TLL1: variants seen among roughly 807,000 people sequenced by gnomAD.
TLL1 encodes tolloid-like protein 1.
A neutral mutation model predicts 128.2 loss-of-function variants in TLL1; 49 were observed. The observed-to-expected ratio is 0.38, with a 90% confidence interval of 0.30 to 0.48. The LOEUF is 0.48. Among genes scored for constraint, TLL1 ranks in the 20% least tolerant of loss-of-function variants. The pLI, the probability that TLL1 is intolerant of heterozygous loss-of-function variation, is 0.96. For synonymous variants in TLL1, 454 were observed against 418.8 expected, an observed-to-expected ratio of 1.08 and a Z score of -1.03; for missense variants, 1,123 against 1,242.0, an observed-to-expected ratio of 0.90 and a Z score of 1.44.
intron 3 of TLL1, 144 bp from the exon 4 acceptor site, chr4:165,994,237 G>C: frequency 1.2e-6 from 1 of 831,836 alleles, no homozygotes; most frequent in Non-Finnish European, 1.9e-6. Flanking sequence ...TAATATAACT[G>C]AAGTTTTTCT....
chr4:165,878,211 A>G (rs548183037), intron 1 of TLL1, among the ~76,000 whole-genome samples: 1 of 152,170 alleles, frequency 6.6e-6, no homozygotes, highest in East Asian at 1.9e-4. Flanking sequence ...GTTCTTTTCC[A>G]TATCTTTATT....
chr4:166,000,276 A>G (rs77035059), intron 5 of TLL1, among the ~76,000 whole-genome samples: 2,225 of 152,314 alleles, frequency 0.015, 54 homozygotes, highest in African/African-American at 0.051. Context: ...TTGTCTTTCC[A>G]TGACTAATAT....
chr4:165,971,996 T>C (rs7665045), intron 1 of TLL1, among the ~76,000 whole-genome samples: 1 of 152,112 alleles, frequency 6.6e-6, no homozygotes, highest in East Asian at 1.9e-4. Context: ...TACGTATAAG[T>C]AGAACCATCA....
chr4:166,023,317 T>C (rs1284786844), intron 8 of TLL1, among the ~76,000 whole-genome samples: 2 of 152,120 alleles, frequency 1.3e-5, no homozygotes, highest in Non-Finnish European at 2.9e-5. Context: ...AGAGAATCAC[T>C]TGAACCTGGG....
At chr4:166,046,573 C>G (rs1206999248) in intron 12 of TLL1, among the ~76,000 whole-genome samples, 1 of 152,164 alleles carries the variant, frequency 6.6e-6, no homozygotes, top group Admixed American at 6.5e-5. Context: ...GCAGTGCCTT[C>G]TAGGTCATTC....
At chr4:166,059,651 A>G (rs1740204275) in intron 14 of TLL1, among the ~76,000 whole-genome samples, 1 of 152,090 alleles carries the variant, frequency 6.6e-6, no homozygotes. Context: ...TTCCGACAAA[A>G]AAAAAATTTT....
At chr4:166,021,237 AT>A (rs111757584) in intron 8 of TLL1, among the ~76,000 whole-genome samples, 7,819 of 151,742 alleles carry the variant, frequency 0.052, 205 homozygotes, top group African/African-American at 0.062. Context: ...AAAAAAATGC[AT>A]TTAGCTATTT....
chr4:166,060,495 C>G (rs186311019), intron 15 of TLL1, among the ~76,000 whole-genome samples: 121 of 151,910 alleles, frequency 8.0e-4, no homozygotes, highest in African/African-American at 2.8e-3. Flanking sequence ...ATAGACACTT[C>G]TAGAAAAAAA....
At chr4:165,954,728 A>G (rs923426499) in intron 1 of TLL1, among the ~76,000 whole-genome samples, 3 of 152,132 alleles carry the variant, frequency 2.0e-5, no homozygotes, top group Non-Finnish European at 4.4e-5. Context: ...CCAGAAACAA[A>G]GGTAATTGAC....
At position 165,974,180 on chromosome 4, in the gene TLL1, G is replaced by A. The variant is rs368153330; in HGVS notation, c.170-15201G>A. On this transcript the variant is annotated intron_variant, in intron 1 of 20. Transcript: ENST00000061240. Reference sequence around the variant, plus strand: ...TTTTGAGACGGAGTCTCGCTCTGTCGCCCAGGCTGGAGTGCAGTGGCGGGA... The same window carrying A: ...TTTTGAGACGGAGTCTCGCTCTGTCACCCAGGCTGGAGTGCAGTGGCGGGA... Among the ~76,000 whole-genome samples, 14 of 95,550 alleles carry A rather than the reference G, an allele frequency of 1.5e-4. No homozygotes were observed. In the East Asian group the frequency reaches 2.2e-3, roughly 15 times the overall value. The allele number at this position is 95,550 out of a possible 152,430, so 62.7% of individuals were successfully genotyped here. A position where few individuals can be genotyped will look rare whatever the true frequency, so the allele number is the denominator to read the frequency against.
chr4:165,876,792 A>G (rs1730741947), intron 1 of TLL1, among the ~76,000 whole-genome samples: 2 of 152,216 alleles, frequency 1.3e-5, no homozygotes, highest in African/African-American at 2.4e-5. Flanking sequence ...GGAGGCTTTC[A>G]TTGAGATGAT....
chr4:166,031,302 T>C (rs552507975), intron 9 of TLL1, among the ~76,000 whole-genome samples: 10 of 150,578 alleles, frequency 6.6e-5, no homozygotes, highest in African/African-American at 1.9e-4. Flanking sequence ...GACTGTTATA[T>C]AAATAAGTTA....
intron 7 of TLL1, among the ~76,000 whole-genome samples, chr4:166,012,227 T>C (rs1737728539): frequency 6.6e-6 from 1 of 151,610 alleles, no homozygotes; most frequent in African/African-American, 2.4e-5. Flanking sequence ...ATATGATCTG[T>C]CTCTGCCTAT....
In TLL1 at chr4:166,055,213, G is replaced by T. The variant is rs751680607; in HGVS notation, c.1662G>T (p.Met554Ile). Residue 554 changes from methionine (M) to isoleucine (I), a missense_variant, in exon 13 of 21, where the codon ATG (methionine) becomes ATT (isoleucine). Met to Ile is a conservative substitution (Grantham distance 10). This residue lies in a region of TLL1 where 634 missense variants were observed against 672.4 expected (regional missense o/e 0.94). Transcript: ENST00000061240. ...GATCTACCTCCAATACTTTGTGGAT[G>T]AAGTTTGTTTCTGACGGAACTGTGA... ...DIRSTSNTLW[M>I]KFVSDGTVNK... is the part of the protein sequence containing the mutation. The T allele has an allele frequency of 1.2e-6, 2 of 1,613,724 alleles. No homozygotes were observed. Among genetic ancestry groups the T allele is most frequent in the Non-Finnish European group, 1.7e-6 (2 of 1,179,804 alleles).
chr4:165,878,788 C>A (rs1032675815), intron 1 of TLL1, among the ~76,000 whole-genome samples: 27 of 152,090 alleles, frequency 1.8e-4, no homozygotes, highest in African/African-American at 5.3e-4. Flanking sequence ...GGTGCCCAGT[C>A]AACCCTACTT....
chr4:166,083,645 T>C (rs76126663), intron 18 of TLL1, among the ~76,000 whole-genome samples: 1,595 of 123,082 alleles, frequency 0.013, 188 homozygotes, highest in African/African-American at 0.037. Context: ...GTAGTATTTA[T>C]CTTTCTGTGC....
intron 8 of TLL1, among the ~76,000 whole-genome samples, chr4:166,020,336 G>A (rs1193002708): frequency 7.3e-6 from 1 of 137,910 alleles, no homozygotes; most frequent in Non-Finnish European, 1.5e-5. Flanking sequence ...TCCATGTACT[G>A]TGACAACAGT....
intron 1 of TLL1, among the ~76,000 whole-genome samples, chr4:165,975,089 T>C (rs1735811540): frequency 6.6e-6 from 1 of 152,166 alleles, no homozygotes; most frequent in Non-Finnish European, 1.5e-5. Flanking sequence ...TGGAAGGAGC[T>C]ACGCCCTTAT....
chr4:166,027,639 A>T (rs79381383), intron 9 of TLL1, among the ~76,000 whole-genome samples: 1,841 of 152,324 alleles, frequency 0.012, 43 homozygotes, highest in African/African-American at 0.04. Context: ...AACAAGAGCC[A>T]GAAAATATAT....
Sources: gnomAD v4.1 joint callset for allele counts (sites outside exome capture counted in the v4.1 genomes callset) on GRCh38, gnomAD v4.1.1 for gene constraint, gnomAD v4.1.1 regional missense constraint, MANE v1.5 for transcripts, NCBI Gene and HGNC (gene_info 2026-07-23, HGNC 2026-07-21) for gene names.